Variants in FRMD6 observed in about 807,000 individuals in gnomAD.
FRMD6 encodes the protein FERM domain containing 6.
A neutral mutation model predicts 73.2 loss-of-function variants in FRMD6; 37 were observed. The observed-to-expected ratio is 0.51, with a 90% CI of 0.39 to 0.66. The LOEUF (loss-of-function observed/expected upper bound fraction) is 0.66, where lower values mean the gene tolerates loss of function less well. FRMD6 is among the 30% of genes least tolerant of loss of function. The pLI is 0.00. For missense variants in FRMD6, 714 were observed against 780.5 expected, an observed-to-expected ratio of 0.91 and a Z score of 1.02; for synonymous variants, 273 against 282.2, an observed-to-expected ratio of 0.97 and a Z score of 0.33.
At chr14:51,558,995 G>A (rs1887319155) in intron 1 of FRMD6, among the ~76,000 whole-genome samples, 1 of 152,170 alleles carries the variant, frequency 6.6e-6, no homozygotes, top group Admixed American at 6.5e-5. Flanking sequence ...TCTAAGCAAG[G>A]CCTTGAGGAG....
At chr14:51,430,007 G>A in the FRMD6 span, among the ~76,000 whole-genome samples, 8 of 152,174 alleles carry the variant, frequency 5.3e-5, no homozygotes, top group African/African-American at 1.9e-4. Flanking sequence ...GAGGATGTAC[G>A]CCCATTTTAA....
chr14:51,601,576 T>C (rs1890039673), intron 2 of FRMD6, among the ~76,000 whole-genome samples: 1 of 152,196 alleles, frequency 6.6e-6, no homozygotes, highest in South Asian at 2.1e-4. Flanking sequence ...TCTCTAGAAA[T>C]TTAGTAAATG....
chr14:51,451,606 C>G, the FRMD6 span, among the ~76,000 whole-genome samples: 1 of 152,164 alleles, frequency 6.6e-6, no homozygotes, highest in Admixed American at 6.5e-5. Context: ...GTCTTTAACT[C>G]CTGACCTCAA....
chr14:51,589,866 C>T (rs185615940), intron 2 of FRMD6, among the ~76,000 whole-genome samples: 12 of 152,158 alleles, frequency 7.9e-5, no homozygotes, highest in East Asian at 7.7e-4. Flanking sequence ...GTCAGGAGTT[C>T]GAGACCAGCC....
intron 1 of FRMD6, among the ~76,000 whole-genome samples, chr14:51,514,857 C>A (rs1884527892): frequency 6.6e-6 from 1 of 151,988 alleles, no homozygotes; most frequent in Non-Finnish European, 1.5e-5. Context: ...CAAAAACAAA[C>A]AAACAAAAAA....
chr14:51,525,783 G>A (rs927217859), intron 1 of FRMD6, among the ~76,000 whole-genome samples: 4 of 152,074 alleles, frequency 2.6e-5, no homozygotes, highest in African/African-American at 9.7e-5. Context: ...CTGGAAAGTT[G>A]TAAAATAGAA....
At chr14:51,420,604 G>C in the FRMD6 span, among the ~76,000 whole-genome samples, 1 of 152,156 alleles carries the variant, frequency 6.6e-6, no homozygotes, top group African/African-American at 2.4e-5. Flanking sequence ...ATGGATGCTT[G>C]CATTTGTACT....
rs567901351 is a variant in FRMD6, at chr14:51,545,780, T to A, written c.-209-24568T>A. ...GCCAACTCTCAACTGTTTATCAAATTGATAAATCATCTATGTCCTATGTTT... is the reference window on the plus strand; with the variant it reads ...GCCAACTCTCAACTGTTTATCAAATAGATAAATCATCTATGTCCTATGTTT... On this transcript the variant is annotated intron_variant, in intron 1 of 14. Coordinates refer to the FRMD6 transcript ENST00000356218. Among the ~76,000 whole-genome samples, 3 of 152,310 alleles carry A rather than the reference T, an allele frequency of 2.0e-5. No homozygotes were observed. The East Asian group carries it at 5.8e-4, about 29-fold the overall frequency.
chr14:51,645,501 C>T lies in FRMD6; in HGVS notation c.-146-44190C>T, dbSNP rs188810311. Among the ~76,000 whole-genome samples, 104 of 152,300 alleles carry T rather than the reference C, an allele frequency of 6.8e-4. 1 individual carries two copies. Among genetic ancestry groups the T allele is most frequent in the African/African-American group, 2.1e-3 (89 of 41,564 alleles). ...ATTGAGTGCAGTGGCATGATCACAG[C>T]TCACTCCAGCCTTGACCTCCCGGGC... is the stretch of plus-strand genomic sequence containing the variant. On this transcript the variant is annotated intron_variant, in intron 2 of 14. Coordinates refer to the FRMD6 transcript ENST00000356218.
At chr14:51,708,265 G>A (rs1566584493) in intron 7 of FRMD6, 32 bp downstream of exon 7, 2 of 1,595,032 alleles carry the variant, frequency 1.3e-6, no homozygotes, top group Non-Finnish European at 1.7e-6. Context: ...TTCAGCTTCT[G>A]AGAAAAAAAC....
intron 8 of FRMD6, 69 bp downstream of exon 8, chr14:51,711,665 C>T (rs1896953160): frequency 5.4e-6 from 6 of 1,104,726 alleles, no homozygotes; most frequent in Non-Finnish European, 6.9e-6. Context: ...CTCTGTGGTC[C>T]TGCCACAGGT....
chr14:51,688,766 A>G (rs1895347766), intron 1 of FRMD6, among the ~76,000 whole-genome samples: 1 of 152,254 alleles, frequency 6.6e-6, no homozygotes, highest in African/African-American at 2.4e-5. Context: ...TTAAAAGTAG[A>G]AAATACCCAC....
At chr14:51,468,117 C>A in the FRMD6 span, among the ~76,000 whole-genome samples, 1 of 152,060 alleles carries the variant, frequency 6.6e-6, no homozygotes, top group African/African-American at 2.4e-5. Context: ...GGCGAAACCC[C>A]GTCTCCACCA....
At chr14:51,580,199 G>A (rs17092929) in intron 2 of FRMD6, among the ~76,000 whole-genome samples, 3,378 of 152,088 alleles carry the variant, frequency 0.022, 117 homozygotes, top group African/African-American at 0.076. Context: ...GCTACCTCTC[G>A]TGGAATGAAC....
chr14:51,567,098 G>C (rs143539368), intron 1 of FRMD6, among the ~76,000 whole-genome samples: 2 of 152,336 alleles, frequency 1.3e-5, no homozygotes, highest in East Asian at 3.9e-4. Flanking sequence ...GAAGGGATGG[G>C]TGCTACTCAG....
chr14:51,482,856 A>G, the FRMD6 span, among the ~76,000 whole-genome samples: 1 of 151,936 alleles, frequency 6.6e-6, no homozygotes, highest in Non-Finnish European at 1.5e-5. Context: ...GCACACCACC[A>G]CACCTGGCGA....
At chr14:51,544,877 TAC>T (rs1332247567) in intron 1 of FRMD6, among the ~76,000 whole-genome samples, 1 of 151,848 alleles carries the variant, frequency 6.6e-6, no homozygotes, top group Non-Finnish European at 1.5e-5. Context: ...TTGGCATTTA[TAC>T]ACACACACAC....
At chr14:51,713,138 A>G (rs1897038386) in intron 9 of FRMD6, among the ~76,000 whole-genome samples, 1 of 152,272 alleles carries the variant, frequency 6.6e-6, no homozygotes, top group Middle Eastern at 3.4e-3. Context: ...ATTATAGTTA[A>G]TAATGTGTAC....
At chr14:51,684,858 T>A (rs1350848748) in intron 1 of FRMD6, among the ~76,000 whole-genome samples, 1 of 152,220 alleles carries the variant, frequency 6.6e-6, no homozygotes, top group Non-Finnish European at 1.5e-5. Flanking sequence ...CATTGGAGAT[T>A]AAGCAAAATA....
Sources: allele counts gnomAD v4.1 joint callset (sites outside exome capture counted in the v4.1 genomes callset), GRCh38; gene constraint gnomAD v4.1.1; transcripts MANE v1.5; gene names NCBI Gene and HGNC (gene_info 2026-07-23, HGNC 2026-07-21).